The following ZNF441 variants were observed in gnomAD, a reference collection of about 807,000 sequenced individuals.
ZNF441 encodes zinc finger protein 441.
ZNF441 carries 25 observed loss-of-function variants against 64.5 expected under a neutral mutation model. The observed-to-expected ratio is 0.39, with a 90% CI of 0.28 to 0.54. The LOEUF (loss-of-function observed/expected upper bound fraction) is 0.54. Among genes scored for constraint, ZNF441 ranks in the 20% least tolerant of loss-of-function variants. The pLI, the probability that ZNF441 is intolerant of heterozygous loss-of-function variation, is 0.70. For synonymous variants in ZNF441, 262 were observed against 268.0 expected, an observed-to-expected ratio of 0.98 and a Z score of 0.22; for missense variants, 715 against 843.3, an observed-to-expected ratio of 0.85 and a Z score of 1.88.
intron 1 of ZNF441, among the ~76,000 whole-genome samples, chr19:11,772,288 C>T (rs373010615): frequency 4.6e-5 from 7 of 152,284 alleles, no homozygotes; most frequent in South Asian, 4.1e-4. Context: ...TAGTGGTCCC[C>T]GGGCCCAGCT....
rs1369847022 is a variant in ZNF441, at chr19:11,783,755, G to A, written c.*1849G>A. On this transcript the variant is annotated 3_prime_UTR_variant, in exon 4 of 4. Coordinates refer to ENST00000357901, the MANE Select transcript of ZNF441 (RefSeq NM_152355.3). ...AGATAGGGAATAGAATAAGTTATCC[G>A]GGGCTGAGAAGGGGAAATGAAGAGA... 1 of 152,144 alleles carries A rather than the reference G, an allele frequency of 6.6e-6. No homozygotes were observed. The highest frequency in any genetic ancestry group is 2.1e-4 in the South Asian group (1 of 4,836). 9.4% of individuals were successfully genotyped at this position (152,144 alleles called of 1,614,324 possible).
chr19:11,781,340 A>G lies in ZNF441; in HGVS notation c.1516A>G (p.Lys506Glu), dbSNP rs1975401619. 1.9e-6 allele frequency: 3 copies of G among 1,614,002 alleles called. No homozygotes were observed. Among genetic ancestry groups the G allele is most frequent in the South Asian group, 1.1e-5 (1 of 91,076 alleles). Residue 506 changes from lysine to glutamate, a missense_variant, in exon 4 of 4, where the codon AAG becomes GAG. Lys to Glu is a moderately conservative substitution (Grantham distance 56). Transcript: ENST00000357901. Reference sequence around the variant, plus strand: ...CACTGGAGATGGACCTCATAAATGTAAGATATGTGGGAAAAGCTTTGATTC... The same window carrying G: ...CACTGGAGATGGACCTCATAAATGTGAGATATGTGGGAAAAGCTTTGATTC... ...MHTGDGPHKCKICGKSFDSPS... is the reference protein window; with the variant it reads ...MHTGDGPHKCEICGKSFDSPS...
At chr19:11,778,855 T>G (rs1047661889) in intron 3 of ZNF441, among the ~76,000 whole-genome samples, 1 of 152,208 alleles carries the variant, frequency 6.6e-6, no homozygotes, top group Non-Finnish European at 1.5e-5. Flanking sequence ...AAATGTGACA[T>G]GGCTATGGCT....
intron 1 of ZNF441, among the ~76,000 whole-genome samples, chr19:11,775,253 T>C (rs891025838): frequency 6.6e-6 from 1 of 152,214 alleles, no homozygotes; most frequent in Non-Finnish European, 1.5e-5. Context: ...CCAGGTCTTT[T>C]GTGAAAATGT....
chr19:11,781,881 T>C lies in ZNF441; in HGVS notation c.2057T>C (p.Phe686Ser). The change falls in exon 4 of 4, where the codon TTT becomes TCT. Residue 686 changes from phenylalanine to serine, a missense_variant. By Grantham distance (155) the Phe-to-Ser change is radical. Around this residue, in one of 2 missense-constraint regions of ZNF441, gnomAD observed 316 missense variants for 429.3 expected, o/e 0.74. Transcript: ENST00000357901. ...CGEAFHCISS[F>S]HKHEMTH ...GAAGCATTTCATTGTATCAGTTCCT[T>C]TCATAAACATGAAATGACTCACTAG... 1 of 1,594,872 alleles carries C rather than the reference T, an allele frequency of 6.3e-7. No homozygotes were observed. The highest frequency in any genetic ancestry group is 8.6e-7 in the Non-Finnish European group (1 of 1,168,690).
At chr19:11,777,209 TC>T (rs1458067609) in intron 1 of ZNF441, among the ~76,000 whole-genome samples, 1 of 152,194 alleles carries the variant, frequency 6.6e-6, no homozygotes, top group Non-Finnish European at 1.5e-5. Flanking sequence ...TTTTTACACT[TC>T]TGGAGGGTGG....
At position 11,780,012 on chromosome 19, in the gene ZNF441, T is replaced by A; in HGVS notation, c.195-7T>A. The A allele has an allele frequency of 6.3e-7, 1 of 1,586,532 alleles. No homozygotes were observed. The highest frequency in any genetic ancestry group is 1.1e-5 in the South Asian group (1 of 88,778). On this transcript the variant is annotated splice_region_variant and splice_polypyrimidine_tract_variant and intron_variant, in intron 3 of 3. Transcript: ENST00000357901. ...ACCTTTACTAATGTACTTCTTATTT[T>A]TTACAGATGTCATATGGTAGAGAGA...
chr19:11,770,298 G>A (rs951331528), intron 1 of ZNF441, among the ~76,000 whole-genome samples: 34 of 152,182 alleles, frequency 2.2e-4, no homozygotes, highest in African/African-American at 7.0e-4. Context: ...CAAGAACAGC[G>A]TGGGGGAAAC....
At chr19:11,775,628 CTT>C (rs34732395) in intron 1 of ZNF441, among the ~76,000 whole-genome samples, 7 of 110,632 alleles carry the variant, frequency 6.3e-5, no homozygotes, top group African/African-American at 7.7e-5. Flanking sequence ...CGCGCCCAGC[CTT>C]TTTTTTTTTT....
chr19:11,772,957 A>G (rs1975326416), intron 1 of ZNF441, among the ~76,000 whole-genome samples: 2 of 152,058 alleles, frequency 1.3e-5, no homozygotes, highest in Admixed American at 6.6e-5. Flanking sequence ...ACGCCCGACT[A>G]ATTTTTTGTA....
At chr19:11,771,319 A>G (rs1288892427) in intron 1 of ZNF441, among the ~76,000 whole-genome samples, 1 of 152,146 alleles carries the variant, frequency 6.6e-6, no homozygotes, top group African/African-American at 2.4e-5. Flanking sequence ...AGCTACCAAA[A>G]CTCACAAAAG....
rs779397291 is a variant in ZNF441, at chr19:11,781,040, T to C, written c.1216T>C (p.Phe406Leu). The C allele has an allele frequency of 2.5e-6, 4 of 1,613,684 alleles. No individual in the cohort carries two copies. The highest frequency in any genetic ancestry group is 3.4e-6 in the Non-Finnish European group (4 of 1,179,950). Reference protein sequence around the residue: ...CGKAFSDFYYFRNHETTHTGE... With the variant: ...CGKAFSDFYYLRNHETTHTGE... ...GAAAGCCTTTAGTGATTTCTATTAC[T>C]TTCGAAATCATGAAACTACTCACAC... Residue 406 changes from phenylalanine (F) to leucine (L), a missense_variant, in exon 4 of 4, where the codon TTT (phenylalanine) becomes CTT (leucine). Transcript: ENST00000357901.
At chr19:11,775,252 T>C (rs1262071026) in intron 1 of ZNF441, among the ~76,000 whole-genome samples, 1 of 152,228 alleles carries the variant, frequency 6.6e-6, no homozygotes, top group Non-Finnish European at 1.5e-5. Context: ...CCCAGGTCTT[T>C]TGTGAAAATG....
intron 1 of ZNF441, among the ~76,000 whole-genome samples, chr19:11,770,617 G>C (rs1425403594): frequency 6.6e-6 from 1 of 152,100 alleles, no homozygotes; most frequent in African/African-American, 2.4e-5. Context: ...TTGTTGTCCA[G>C]GCTAAAGTGC....
intron 1 of ZNF441, among the ~76,000 whole-genome samples, chr19:11,771,528 T>C (rs1975313181): frequency 6.6e-6 from 1 of 152,220 alleles, no homozygotes; most frequent in East Asian, 1.9e-4. Flanking sequence ...TATATGAATA[T>C]CATTAATCAT....
rs375428214 is a variant in ZNF441 at position 11,780,173 on chromosome 19, T to C, written c.349T>C (p.Ser117Pro). Reference protein sequence around the residue: ...ECTDVLMGRSSLNCYVRVDSE... With the variant: ...ECTDVLMGRSPLNCYVRVDSE... ...TACAGACGTCCTCATGGGTCGTTCA[T>C]CTCTTAATTGCTACGTTAGAGTTGA... The change falls in exon 4 of 4, where the codon TCT becomes CCT. Residue 117 changes from serine to proline, a missense_variant. Physicochemically the swap from Ser to Pro is moderately conservative, Grantham distance 74. Transcript: ENST00000357901. The C allele has an allele frequency of 1.2e-6, 2 of 1,614,034 alleles. No individual in the cohort carries two copies. The highest frequency in any genetic ancestry group is 1.7e-6 in the Non-Finnish European group (2 of 1,180,034).
At chr19:11,777,949 C>CAT (rs149118975) in intron 2 of ZNF441, 101 of 476,574 alleles carry the variant, frequency 2.1e-4, no homozygotes, top group African/African-American at 1.8e-3. Context: ...TTGATTAATA[C>CAT]ATGTATTATA....
intron 1 of ZNF441, among the ~76,000 whole-genome samples, chr19:11,775,731 G>A (rs981681977): frequency 6.7e-5 from 10 of 148,836 alleles, no homozygotes; most frequent in African/African-American, 1.5e-4. Flanking sequence ...AGGTTCAAGC[G>A]ATTCTTGTCC....
At chr19:11,774,196 A>G (rs574723229) in intron 1 of ZNF441, among the ~76,000 whole-genome samples, 1 of 152,280 alleles carries the variant, frequency 6.6e-6, no homozygotes, top group South Asian at 2.1e-4. Context: ...TGCTGATATA[A>G]CAAAGTATTC....
Sources: allele counts gnomAD v4.1 joint callset (sites outside exome capture counted in the v4.1 genomes callset), GRCh38; gene constraint gnomAD v4.1.1; regional missense constraint gnomAD v4.1.1; transcripts MANE v1.5; gene names NCBI Gene and HGNC (gene_info 2026-07-23, HGNC 2026-07-21).